Variants in NCKAP5 observed in about 807,000 individuals in gnomAD.
The protein encoded by NCKAP5 is nck-associated protein 5.
In NCKAP5, 92 loss-of-function variants were observed where a neutral mutation model predicts 167.0. The observed-to-expected ratio is 0.55, with a 90% CI of 0.47 to 0.66. The LOEUF (loss-of-function observed/expected upper bound fraction) is 0.66. Ranked by LOEUF, NCKAP5 falls within the 30% of genes least tolerant of loss-of-function variation. NCKAP5 has a pLI of 0.00. For synonymous variants in NCKAP5, 891 were observed against 877.4 expected, an observed-to-expected ratio of 1.02 and a Z score of -0.27; for missense variants, 2,378 against 2,315.0, an observed-to-expected ratio of 1.03 and a Z score of -0.56.
At chr2:133,489,996 G>A (rs1367729271) in intron 3 of NCKAP5, among the ~76,000 whole-genome samples, 1 of 152,204 alleles carries the variant, frequency 6.6e-6, no homozygotes, top group Non-Finnish European at 1.5e-5. Flanking sequence ...TGGTTGTGGA[G>A]AGGGCTGAGG....
At chr2:133,244,739 T>A (rs902145225) in intron 4 of NCKAP5, among the ~76,000 whole-genome samples, 2 of 152,180 alleles carry the variant, frequency 1.3e-5, no homozygotes, top group African/African-American at 4.8e-5. Flanking sequence ...ACTATATGAT[T>A]ATGGGTCAGT....
chr2:132,880,393 G>C (rs1691653350), intron 8 of NCKAP5, among the ~76,000 whole-genome samples: 1 of 152,118 alleles, frequency 6.6e-6, no homozygotes, highest in Non-Finnish European at 1.5e-5. Context: ...ACTTTGGGAG[G>C]CAGAGGCAGG....
intron 5 of NCKAP5, among the ~76,000 whole-genome samples, chr2:133,176,918 T>C (rs762845330): frequency 6.6e-6 from 1 of 152,110 alleles, no homozygotes; most frequent in Non-Finnish European, 1.5e-5. Context: ...GCAAATACAT[T>C]TAATTCCATA....
At chr2:133,485,146 C>T (rs190999721) in intron 3 of NCKAP5, among the ~76,000 whole-genome samples, 1 of 152,098 alleles carries the variant, frequency 6.6e-6, no homozygotes, top group Non-Finnish European at 1.5e-5. Flanking sequence ...CAAATATGTC[C>T]CGTGACCACA....
At chr2:132,790,508 C>T (rs763004223) in intron 12 of NCKAP5, among the ~76,000 whole-genome samples, 2 of 152,148 alleles carry the variant, frequency 1.3e-5, no homozygotes, top group Non-Finnish European at 1.5e-5. Flanking sequence ...GAATACTGTG[C>T]TGAAAATGAA....
intron 3 of NCKAP5, chr2:133,391,306 G>C (rs1441723867): frequency 6.3e-6 from 1 of 159,904 alleles, no homozygotes; most frequent in African/African-American, 2.4e-5. Flanking sequence ...CGGTGAGGGA[G>C]GAAGGAGACA....
intron 2 of NCKAP5, among the ~76,000 whole-genome samples, chr2:133,522,488 G>A (rs1684554321): frequency 6.6e-6 from 1 of 152,124 alleles, no homozygotes; most frequent in African/African-American, 2.4e-5. Flanking sequence ...TAATAGTCTG[G>A]AATTATTTTC....
At chr2:132,836,638 C>G (rs1426386278) in intron 11 of NCKAP5, among the ~76,000 whole-genome samples, 3 of 152,032 alleles carry the variant, frequency 2.0e-5, no homozygotes, top group African/African-American at 7.2e-5. Context: ...CTGGTGCACC[C>G]ATCACCCAAG....
intron 6 of NCKAP5, among the ~76,000 whole-genome samples, chr2:133,023,397 C>A (rs1017905197): frequency 6.6e-6 from 1 of 152,134 alleles, no homozygotes; most frequent in African/African-American, 2.4e-5. Flanking sequence ...CATCCTGCTT[C>A]TGTTTCTCCT....
intron 5 of NCKAP5, among the ~76,000 whole-genome samples, chr2:133,179,444 A>G (rs2084636097): frequency 1.3e-5 from 2 of 152,146 alleles, no homozygotes; most frequent in Non-Finnish European, 2.9e-5. Flanking sequence ...TTAAAAAAAA[A>G]TCACTCATAA....
chr2:133,364,410 AT>A (rs1685320428), intron 3 of NCKAP5, among the ~76,000 whole-genome samples: 1 of 152,098 alleles, frequency 6.6e-6, no homozygotes, highest in African/African-American at 2.4e-5. Context: ...CTTCAAGAAA[AT>A]TTGCAAACAT....
At chr2:133,365,054 A>G (rs1685367089) in intron 3 of NCKAP5, among the ~76,000 whole-genome samples, 1 of 152,072 alleles carries the variant, frequency 6.6e-6, no homozygotes, top group Non-Finnish European at 1.5e-5. Context: ...CCTGGCCTTT[A>G]TAATTTGTTT....
In NCKAP5 at chr2:133,124,095, G is replaced by C. The variant is rs77448502; in HGVS notation, c.341+5883C>G. Among the ~76,000 whole-genome samples, 20 of 152,292 alleles carry C rather than the reference G, an allele frequency of 1.3e-4. No homozygotes were observed. In the East Asian group the frequency reaches 3.7e-3, roughly 28 times the overall value. On this transcript the variant is annotated intron_variant, in intron 6 of 19. Transcript: ENST00000409261. Reference sequence around the variant, plus strand: ...TAAGCACAGCAATCAACTGTGATAGGAGAATCCCCATTACAGTAAGTAAAG... The same window carrying C: ...TAAGCACAGCAATCAACTGTGATAGCAGAATCCCCATTACAGTAAGTAAAG...
At chr2:132,820,322 C>T (rs965928723) in intron 11 of NCKAP5, among the ~76,000 whole-genome samples, 4 of 151,694 alleles carry the variant, frequency 2.6e-5, no homozygotes, top group African/African-American at 7.3e-5. Context: ...CTCTGCCTTC[C>T]GGGTTCACGC....
At chr2:132,810,752 C>T (rs969417781) in intron 11 of NCKAP5, among the ~76,000 whole-genome samples, 4 of 152,146 alleles carry the variant, frequency 2.6e-5, no homozygotes, top group Non-Finnish European at 4.4e-5. Context: ...TAACTAACCT[C>T]CTAAATTCTT....
chr2:133,175,299 C>T (rs932299140), intron 5 of NCKAP5, among the ~76,000 whole-genome samples: 1 of 151,966 alleles, frequency 6.6e-6, no homozygotes, highest in African/African-American at 2.4e-5. Flanking sequence ...CATTTTTTTG[C>T]CCTAGTTTGT....
chr2:133,241,332 A>C (rs1481377489), intron 4 of NCKAP5, among the ~76,000 whole-genome samples: 1 of 152,220 alleles, frequency 6.6e-6, no homozygotes, highest in Non-Finnish European at 1.5e-5. Flanking sequence ...CTCACATCAC[A>C]TGCTGGAGCT....
intron 11 of NCKAP5, among the ~76,000 whole-genome samples, chr2:132,821,339 T>C (rs147863463): frequency 6.6e-6 from 1 of 152,140 alleles, no homozygotes; most frequent in African/African-American, 2.4e-5. Flanking sequence ...TTGTGAGAAA[T>C]ATAGAAGTAC....
intron 3 of NCKAP5, among the ~76,000 whole-genome samples, chr2:133,309,719 G>A (rs1681094579): frequency 6.6e-6 from 1 of 152,160 alleles, no homozygotes; most frequent in Admixed American, 6.5e-5. Context: ...GGTCTTTGTA[G>A]CATAAGCCCA....
Sources: allele counts gnomAD v4.1 joint callset (sites outside exome capture counted in the v4.1 genomes callset), GRCh38; gene constraint gnomAD v4.1.1; transcripts MANE v1.5; gene names NCBI Gene and HGNC (gene_info 2026-07-23, HGNC 2026-07-21).